The following USP6NL variants were observed in gnomAD, a reference collection of about 807,000 sequenced individuals.
USP6NL encodes USP6 N-terminal-like protein.
A neutral mutation model predicts 61.9 loss-of-function variants in USP6NL; 26 were observed. The observed-to-expected ratio is 0.42, with a 90% CI of 0.31 to 0.58. The LOEUF is 0.58. USP6NL is among the 20% of genes least tolerant of loss of function. The pLI is 0.16. For missense variants in USP6NL, 1,114 were observed against 1,034.3 expected, an observed-to-expected ratio of 1.08 and a Z score of -1.06; for synonymous variants, 432 against 390.1, an observed-to-expected ratio of 1.11 and a Z score of -1.27.
At chr10:11,519,692 T>A (rs560888376) in intron 4 of USP6NL, among the ~76,000 whole-genome samples, 92 of 152,304 alleles carry the variant, frequency 6.0e-4, no homozygotes, top group African/African-American at 2.2e-3. Context: ...TTCAAGAGAT[T>A]ATTTTTTAAA....
rs1367535594 is a variant in USP6NL at position 11,574,130 on chromosome 10, T to C, written c.4+23501A>G. On this transcript the variant is annotated intron_variant, in intron 2 of 14. Coordinates refer to ENST00000609104, the MANE Select transcript of USP6NL (RefSeq NM_014688.5). This position sits in a 1 kb window ranked among gnomAD's most constrained non-coding sequence, Gnocchi z 4.3. ...CAAGTTTTTAAGTAGTCAACCAAAA[T>C]ACCCTGCACTGTCGAAAGCCTTAAT... Among the ~76,000 whole-genome samples, 2 of 152,188 alleles carry C rather than the reference T, an allele frequency of 1.3e-5. No homozygotes were observed. Among genetic ancestry groups the C allele is most frequent in the Non-Finnish European group, 2.9e-5 (2 of 68,010 alleles).
chr10:11,579,960 T>TGGG lies in USP6NL; in HGVS notation c.4+17670_4+17671insCCC, dbSNP rs78353052. ...CAGATTACAAACCACCAGTGGAGAGTGGCGGGGGGGGGGCAGCAACGTCTA... is the reference window on the plus strand; with the variant it reads ...CAGATTACAAACCACCAGTGGAGAGTGGGGGCGGGGGGGGGGCAGCAACGTCTA... On this transcript the variant is annotated intron_variant, in intron 2 of 14. Transcript: ENST00000609104. Among the ~76,000 whole-genome samples, 114 of 97,984 alleles carry TGGG rather than the reference T, an allele frequency of 1.2e-3. 2 individuals are homozygous for TGGG. Among genetic ancestry groups the TGGG allele is most frequent in the East Asian group, 0.01 (26 of 2,560 alleles). The allele number at this position is 97,984 out of a possible 152,430, so 64.3% of individuals were successfully genotyped here.
intron 2 of USP6NL, among the ~76,000 whole-genome samples, chr10:11,567,038 G>T (rs566819004): frequency 6.6e-6 from 1 of 152,172 alleles, no homozygotes; most frequent in Non-Finnish European, 1.5e-5. Context: ...CACTTGAGCC[G>T]AGGAGTTCAA....
rs970209029 is a variant in USP6NL, at chr10:11,463,341, G to A, written c.1587C>T (p.Asn529=). ...CCAGGGCCTTCATCTTTGGCCGCAC[G>A]TTTGACACCCGCACCTCGGCAGGAC... ...VPGPAEVRVS[N]VRPKMKALDA... Residue 529 remains asparagine, a synonymous_variant, in exon 15 of 15, where the codon AAC becomes AAT. Coordinates refer to ENST00000609104, the MANE Select transcript of USP6NL (RefSeq NM_014688.5). This position sits in a 1 kb window ranked among gnomAD's most constrained non-coding sequence, Gnocchi z 6.3. The A allele has an allele frequency of 3.1e-6, 5 of 1,613,836 alleles. No homozygotes were observed. Among genetic ancestry groups the A allele is most frequent in the African/African-American group, 2.7e-5 (2 of 74,936 alleles).
At chr10:11,527,436 T>A (rs1835463691) in intron 3 of USP6NL, 64 bp downstream of exon 3, 18 of 1,466,746 alleles carry the variant, frequency 1.2e-5, no homozygotes, top group East Asian at 9.8e-5. Context: ...AAAAAGCAAA[T>A]CCATTTCTAT....
chr10:11,578,263 C>A (rs1837623365), intron 2 of USP6NL, among the ~76,000 whole-genome samples: 1 of 152,220 alleles, frequency 6.6e-6, no homozygotes, highest in Non-Finnish European at 1.5e-5. Context: ...GCCACCACAC[C>A]CAACCTCATC....
At chr10:11,472,532 C>T (rs1419307100) in intron 14 of USP6NL, among the ~76,000 whole-genome samples, 1 of 152,220 alleles carries the variant, frequency 6.6e-6, no homozygotes, top group Admixed American at 6.5e-5. Flanking sequence ...CGGGAAGAAT[C>T]GGTGGGGGGC....
Position 11,575,128 on chromosome 10 carries a change from C to T in USP6NL, c.4+22503G>A, listed in dbSNP as rs570713083. Among the ~76,000 whole-genome samples, 1 of 152,312 alleles carries T rather than the reference C, an allele frequency of 6.6e-6. No individual in the cohort carries two copies. The highest frequency in any genetic ancestry group is 1.9e-4 in the East Asian group (1 of 5,194). ...TCTTTAAAGAATATGTTCGTACTCA[C>T]AAACTAAATCAAAGTAAGAGTTCAG... On this transcript the variant is annotated intron_variant, in intron 2 of 14. Coordinates refer to ENST00000609104, the MANE Select transcript of USP6NL (RefSeq NM_014688.5). This position sits in a 1 kb window ranked among gnomAD's most constrained non-coding sequence, Gnocchi z 4.2.
Position 11,548,695 on chromosome 10 carries a change from A to G in USP6NL, c.5-21128T>C, listed in dbSNP as rs546044444. Among the ~76,000 whole-genome samples the G allele has an allele frequency of 6.6e-6, 1 of 152,260 alleles. No individual in the cohort carries two copies. The highest frequency in any genetic ancestry group is 1.5e-5 in the Non-Finnish European group (1 of 67,990). On this transcript the variant is annotated intron_variant, in intron 2 of 14. Coordinates refer to ENST00000609104, the MANE Select transcript of USP6NL (RefSeq NM_014688.5). The surrounding 1 kb of genome is among the most constrained non-coding windows in gnomAD (Gnocchi z 4.3). ...ACTTTCATTCTGATAAACATCAACA[A>G]ATTAATTTAACTATGGTCTATCAAT...
chr10:11,576,405 C>T (rs554427794), intron 2 of USP6NL, among the ~76,000 whole-genome samples: 50 of 139,876 alleles, frequency 3.6e-4, no homozygotes, highest in South Asian at 8.8e-4. Flanking sequence ...TGTGTTAAAC[C>T]TAACCCCCAA....
chr10:11,514,039 C>G (rs1339254575), intron 5 of USP6NL, among the ~76,000 whole-genome samples: 5 of 152,190 alleles, frequency 3.3e-5, no homozygotes, highest in Non-Finnish European at 5.9e-5. Flanking sequence ...CCAAGCTGTA[C>G]CACTTCTAGC....
intron 2 of USP6NL, among the ~76,000 whole-genome samples, chr10:11,551,521 G>C (rs562453255): frequency 6.6e-6 from 1 of 152,296 alleles, no homozygotes; most frequent in South Asian, 2.1e-4. Context: ...AAGACTAACT[G>C]AATGAACAAG....
chr10:11,497,254 GA>G (rs920461591), intron 7 of USP6NL, among the ~76,000 whole-genome samples: 1 of 150,072 alleles, frequency 6.7e-6, no homozygotes, highest in East Asian at 1.9e-4. Context: ...CTAAAAATGT[GA>G]AAAAAAATAA....
Position 11,460,709 on chromosome 10 carries a change from ACTG to A in USP6NL, c.*1729_*1731del, listed in dbSNP as rs977216865. 2 of 150,554 alleles carry A rather than the reference ACTG, an allele frequency of 1.3e-5. No individual in the cohort carries two copies. The highest frequency in any genetic ancestry group is 3.0e-5 in the Non-Finnish European group (2 of 67,596). The allele number at this position is 150,554 out of a possible 1,614,324, so 9.3% of individuals were successfully genotyped here. ...ATATATATTTTGGAGCAGCTCAGAT[ACTG>A]CTATTATAAACTAAATTGTACAGCT... On this transcript the variant is annotated 3_prime_UTR_variant, in exon 15 of 15. Transcript: ENST00000609104.
At chr10:11,515,725 G>C (rs543849535) in intron 5 of USP6NL, among the ~76,000 whole-genome samples, 1 of 152,282 alleles carries the variant, frequency 6.6e-6, no homozygotes, top group Admixed American at 6.5e-5. Flanking sequence ...TATCTTAACA[G>C]TTTGTTTTTC....
chr10:11,486,556 T>C (rs1464315655), intron 10 of USP6NL, among the ~76,000 whole-genome samples: 2 of 152,172 alleles, frequency 1.3e-5, no homozygotes, highest in Non-Finnish European at 2.9e-5. Flanking sequence ...CATTGAACTT[T>C]ACATCTATTT....
At position 11,491,011 on chromosome 10, in the gene USP6NL, A is replaced by T; in HGVS notation, c.495-131T>A. ...GATAAAATTACTAATGTAATAAATTATCCCAAGTTCAAATTCAAACAACAC... is the reference window on the plus strand; with the variant it reads ...GATAAAATTACTAATGTAATAAATTTTCCCAAGTTCAAATTCAAACAACAC... On this transcript the variant is annotated intron_variant, in intron 8 of 14. Coordinates refer to ENST00000609104, the MANE Select transcript of USP6NL (RefSeq NM_014688.5). The surrounding 1 kb of genome is among the most constrained non-coding windows in gnomAD (Gnocchi z 4.7). The T allele has an allele frequency of 1.3e-6, 1 of 764,870 alleles. No homozygotes were observed. Among genetic ancestry groups the T allele is most frequent in the Non-Finnish European group, 2.0e-6 (1 of 499,076 alleles). The allele number at this position is 764,870 out of a possible 1,614,324, so 47.4% of individuals were successfully genotyped here.
In USP6NL at chr10:11,562,630, A is replaced by G. The variant is rs1415805314; in HGVS notation, c.4+35001T>C. On this transcript the variant is annotated intron_variant, in intron 2 of 14. Transcript: ENST00000609104. The surrounding 1 kb of genome is among the most constrained non-coding windows in gnomAD (Gnocchi z 4.8). ...ACTAAATGTAATTCTAACACTGAAC[A>G]GTCCTCTAATTATTTGTGACACTCA... The G allele has an allele frequency of 2.0e-6, 2 of 985,334 alleles. No individual in the cohort carries two copies. Among genetic ancestry groups the G allele is most frequent in the Admixed American group, 6.1e-5 (1 of 16,262 alleles). The allele number at this position is 985,334 out of a possible 1,614,324, so 61.0% of individuals were successfully genotyped here.
rs1358481765 is a variant in USP6NL, at chr10:11,532,961, C to T, written c.5-5394G>A. On this transcript the variant is annotated intron_variant, in intron 2 of 14. Coordinates refer to ENST00000609104, the MANE Select transcript of USP6NL (RefSeq NM_014688.5). This position sits in a 1 kb window ranked among gnomAD's most constrained non-coding sequence, Gnocchi z 4.1. ...TCCATTCTGTTTTATTTACTCCTTC[C>T]TTCTTCCCTTCATTGTTTCTCCCTT... is the stretch of plus-strand genomic sequence containing the variant. Among the ~76,000 whole-genome samples, 3 of 152,178 alleles carry T rather than the reference C, an allele frequency of 2.0e-5. No homozygotes were observed. The highest frequency in any genetic ancestry group is 7.2e-5 in the African/African-American group (3 of 41,434).
Sources: gnomAD v4.1 joint callset for allele counts (sites outside exome capture counted in the v4.1 genomes callset) on GRCh38, gnomAD v4.1.1 for gene constraint, Gnocchi (gnomAD v3.1) non-coding constraint, MANE v1.5 for transcripts, NCBI Gene and HGNC (gene_info 2026-07-23, HGNC 2026-07-21) for gene names.